UNC5D: variants seen among roughly 807,000 people sequenced by gnomAD.
UNC5D encodes netrin receptor UNC5D.
Under a neutral mutation model 105.4 loss-of-function variants are expected in UNC5D, and 39 were observed. The ratio of observed to expected loss-of-function variants is 0.37; its 90% confidence interval spans 0.29 to 0.48. The LOEUF is 0.48. Among genes scored for constraint, UNC5D ranks in the 20% least tolerant of loss-of-function variants. UNC5D has a pLI of 0.98. For missense variants in UNC5D, 991 were observed against 1,202.4 expected, an observed-to-expected ratio of 0.82 and a Z score of 2.60; for synonymous variants, 452 against 450.4, an observed-to-expected ratio of 1.00 and a Z score of -0.04.
At chr8:35,711,168 T>TTTTTGTTTTGTTTTGTTTTG (rs536017128) in intron 8 of UNC5D, among the ~76,000 whole-genome samples, 69 of 148,472 alleles carry the variant, frequency 4.6e-4, no homozygotes, top group African/African-American at 1.6e-3. Context: ...CGGCTTTCTG[T>TTTTTGTTTTGTTTTGTTTTG]TTTTGTTTTG....
At chr8:35,674,934 G>A (rs1025714682) in intron 4 of UNC5D, among the ~76,000 whole-genome samples, 25 of 152,228 alleles carry the variant, frequency 1.6e-4, no homozygotes, top group Middle Eastern at 3.4e-3. Flanking sequence ...GTGAACTTCC[G>A]TAGCCTTCCA....
chr8:35,746,705 A>T (rs1264385780), intron 11 of UNC5D, among the ~76,000 whole-genome samples: 2 of 152,172 alleles, frequency 1.3e-5, no homozygotes, highest in Non-Finnish European at 2.9e-5. Flanking sequence ...AATTCCCCAA[A>T]TTCCCATATG....
At chr8:35,301,191 G>C (rs905578027) in intron 1 of UNC5D, among the ~76,000 whole-genome samples, 2 of 152,138 alleles carry the variant, frequency 1.3e-5, no homozygotes, top group African/African-American at 4.8e-5. Context: ...GTGCCAGAAA[G>C]TACGAAGGGG....
intron 16 of UNC5D, among the ~76,000 whole-genome samples, chr8:35,786,537 T>C (rs77036871): frequency 0.015 from 2,282 of 152,258 alleles, 41 homozygotes; most frequent in African/African-American, 0.052. Context: ...GTTGAGACAA[T>C]GATTCATTAG....
At chr8:35,241,789 G>A (rs1412359872) in intron 1 of UNC5D, among the ~76,000 whole-genome samples, 2 of 151,822 alleles carry the variant, frequency 1.3e-5, no homozygotes, top group Non-Finnish European at 2.9e-5. Context: ...TCAGTGTACT[G>A]GGTTATCTAT....
At chr8:35,411,745 C>G (rs777168505) in intron 1 of UNC5D, among the ~76,000 whole-genome samples, 2 of 151,966 alleles carry the variant, frequency 1.3e-5, no homozygotes, top group East Asian at 3.9e-4. Flanking sequence ...TTCATTTTCT[C>G]TCTTACCCCC....
At chr8:35,722,957 G>A (rs1828660355) in intron 9 of UNC5D, among the ~76,000 whole-genome samples, 1 of 151,792 alleles carries the variant, frequency 6.6e-6, no homozygotes, top group Non-Finnish European at 1.5e-5. Flanking sequence ...TTAGTTGTGG[G>A]GGAAGGAAAA....
rs77983265 is a variant in UNC5D at position 35,247,288 on chromosome 8, T to C, written c.103+11401T>C. On this transcript the variant is annotated intron_variant, in intron 1 of 16. Transcript: ENST00000404895. ...TGAAATTACAGAGATTTTTTTTTTT[T>C]CCTTTGGCTTACAGAATGCTGAGGT... is the stretch of plus-strand genomic sequence containing the variant. Among the ~76,000 whole-genome samples the C allele has an allele frequency of 2.8e-3, 381 of 136,118 alleles. 1 individual carries two copies. The highest frequency in any genetic ancestry group is 0.01 in the African/African-American group (370 of 36,906). The allele number at this position is 136,118 out of a possible 152,430, so 89.3% of individuals were successfully genotyped here. A position where few individuals can be genotyped will look rare whatever the true frequency, so the allele number is the denominator to read the frequency against.
chr8:35,603,168 C>G (rs1820016933), intron 4 of UNC5D, among the ~76,000 whole-genome samples: 1 of 151,958 alleles, frequency 6.6e-6, no homozygotes, highest in Non-Finnish European at 1.5e-5. Flanking sequence ...TTCCTGCTTT[C>G]TCTTGTGGGC....
intron 1 of UNC5D, among the ~76,000 whole-genome samples, chr8:35,522,177 C>T (rs1278738036): frequency 1.3e-5 from 2 of 152,028 alleles, no homozygotes; most frequent in African/African-American, 4.8e-5. Flanking sequence ...TTTTATTTTA[C>T]TCTGGGAGTA....
chr8:35,575,473 A>G (rs1818026898), intron 3 of UNC5D, among the ~76,000 whole-genome samples: 3 of 152,108 alleles, frequency 2.0e-5, no homozygotes, highest in Admixed American at 2.0e-4. Flanking sequence ...TCCTAACAGT[A>G]CTACAATGAA....
At chr8:35,333,932 G>T (rs986122669) in intron 1 of UNC5D, among the ~76,000 whole-genome samples, 4 of 152,166 alleles carry the variant, frequency 2.6e-5, no homozygotes, top group African/African-American at 9.7e-5. Context: ...AACTTTGGGA[G>T]AGCTTCAGAT....
At position 35,748,608 on chromosome 8, in the gene UNC5D, T is replaced by G. The variant is rs1830115630; in HGVS notation, c.1848T>G (p.Phe616Leu). 6.2e-7 allele frequency: 1 copy of G among 1,614,134 alleles called. No individual in the cohort carries two copies. Among genetic ancestry groups the G allele is most frequent in the Non-Finnish European group, 8.5e-7 (1 of 1,179,978 alleles). ...CAGACATGATCGTCACCACTCCCTT[T>G]GCATTGACCATCCCGCACTGTGCAG... is the stretch of plus-strand genomic sequence containing the variant. ...GPPDMIVTTP[F>L]ALTIPHCADV... Residue 616 changes from phenylalanine (F) to leucine (L), a missense_variant, in exon 12 of 17, where the codon TTT becomes TTG. Coordinates refer to ENST00000404895, the MANE Select transcript of UNC5D (RefSeq NM_080872.4).
chr8:35,756,128 C>T (rs1254641633), intron 13 of UNC5D, among the ~76,000 whole-genome samples: 1 of 152,082 alleles, frequency 6.6e-6, no homozygotes, highest in Non-Finnish European at 1.5e-5. Flanking sequence ...TTTATAAATA[C>T]AATTATTAGT....
intron 1 of UNC5D, among the ~76,000 whole-genome samples, chr8:35,356,258 A>G (rs1801546104): frequency 6.6e-6 from 1 of 152,116 alleles, no homozygotes; most frequent in Non-Finnish European, 1.5e-5. Context: ...TACGTAATGA[A>G]TTGTGATAAA....
chr8:35,501,907 A>G (rs1811994824), intron 1 of UNC5D, among the ~76,000 whole-genome samples: 1 of 152,248 alleles, frequency 6.6e-6, no homozygotes, highest in Non-Finnish European at 1.5e-5. Context: ...CTTCGGCATT[A>G]AACAAATGTG....
At chr8:35,587,217 G>A (rs960763077) in intron 3 of UNC5D, among the ~76,000 whole-genome samples, 1 of 152,158 alleles carries the variant, frequency 6.6e-6, no homozygotes, top group Non-Finnish European at 1.5e-5. Flanking sequence ...GTGATGTGGT[G>A]AAGAAGGAAC....
intron 1 of UNC5D, among the ~76,000 whole-genome samples, chr8:35,252,174 G>C (rs560518423): frequency 6.6e-6 from 1 of 151,838 alleles, no homozygotes; most frequent in Admixed American, 6.6e-5. Flanking sequence ...AGGCGCCAAT[G>C]GTTCTTTATT....
chr8:35,643,600 G>A (rs762570602), intron 4 of UNC5D, among the ~76,000 whole-genome samples: 6 of 152,046 alleles, frequency 3.9e-5, no homozygotes, highest in South Asian at 2.1e-4. Context: ...GGCTGATCTC[G>A]AACTCCTGAC....
Sources: gnomAD v4.1 joint callset for allele counts (sites outside exome capture counted in the v4.1 genomes callset) on GRCh38, gnomAD v4.1.1 for gene constraint, MANE v1.5 for transcripts, NCBI Gene and HGNC (gene_info 2026-07-23, HGNC 2026-07-21) for gene names.